Variants in CTNNA2 observed in about 807,000 individuals in gnomAD.
CTNNA2 encodes the protein catenin alpha 2, also known as catenin alpha-2.
A neutral mutation model predicts 101.0 loss-of-function variants in CTNNA2; 42 were observed. The ratio of observed to expected loss-of-function variants is 0.42; its 90% CI spans 0.32 to 0.54. The LOEUF is 0.54. Ranked by LOEUF, CTNNA2 falls within the 20% of genes least tolerant of loss-of-function variation. The pLI is 0.14. For missense variants in CTNNA2, 871 were observed against 1,223.1 expected, an observed-to-expected ratio of 0.71 and a Z score of 4.29; for synonymous variants, 450 against 456.4, an observed-to-expected ratio of 0.99 and a Z score of 0.18.
At chr2:80,215,982 T>C (rs1708241866) in intron 7 of CTNNA2, among the ~76,000 whole-genome samples, 1 of 152,182 alleles carries the variant, frequency 6.6e-6, no homozygotes, top group Admixed American at 6.5e-5. Context: ...TCCTCCAGCC[T>C]CGCTGCCATC....
At chr2:80,123,333 A>G (rs1021073571) in intron 7 of CTNNA2, among the ~76,000 whole-genome samples, 11 of 152,104 alleles carry the variant, frequency 7.2e-5, no homozygotes, top group Admixed American at 7.2e-4. Context: ...AGAAACACAT[A>G]TTACAGGTTT....
In CTNNA2 at chr2:79,966,482, C is replaced by T. The variant is rs531690654; in HGVS notation, c.1056+56685C>T. Among the ~76,000 whole-genome samples, 14 of 152,258 alleles carry T rather than the reference C, an allele frequency of 9.2e-5. No homozygotes were observed. In the South Asian group the frequency reaches 2.7e-3, roughly 29 times the overall value. On this transcript the variant is annotated intron_variant, in intron 7 of 18. Coordinates refer to ENST00000402739, the MANE Select transcript of CTNNA2 (RefSeq NM_001282597.3). ...AATGCTTGGGCTCCATTGATCCTCC[C>T]GCCTTGGCTTCTCAAAGTGCTAGGA... is the stretch of plus-strand genomic sequence containing the variant.
intron 7 of CTNNA2, among the ~76,000 whole-genome samples, chr2:80,144,456 T>A (rs1352163571): frequency 6.6e-6 from 1 of 152,194 alleles, no homozygotes; most frequent in African/African-American, 2.4e-5. Context: ...AATGTAAGAA[T>A]ACAACAACTT....
At chr2:80,576,323 T>A (rs1695038591) in intron 13 of CTNNA2, 1 of 151,364 alleles carries the variant, frequency 6.6e-6, no homozygotes, top group Non-Finnish European at 1.5e-5. Context: ...GCCTCAGCTG[T>A]CAGGACCTCC....
At chr2:80,268,674 A>C (rs2149135101) in intron 7 of CTNNA2, among the ~76,000 whole-genome samples, 1 of 152,338 alleles carries the variant, frequency 6.6e-6, no homozygotes, top group Admixed American at 6.5e-5. Flanking sequence ...GTAAATCATC[A>C]AAGAAAGATT....
chr2:79,437,900 T>C (rs12470078), intron 4 of CTNNA2, among the ~76,000 whole-genome samples: 61,182 of 151,984 alleles, frequency 0.4, 12,484 homozygotes, highest in South Asian at 0.49. Context: ...TTCCAGGGTC[T>C]TTTCTGTTTC....
chr2:80,302,278 C>T lies in CTNNA2; in HGVS notation c.1057-90933C>T. The stretch of plus-strand genomic sequence containing the variant: ...ACACCTCGCATTCCCTCGCGGGCTG[C>T]TGGTGGCAGGTACACGAGCCATACT... On this transcript the variant is annotated intron_variant, in intron 7 of 18. Coordinates refer to ENST00000402739, the MANE Select transcript of CTNNA2 (RefSeq NM_001282597.3). This position sits in a 1 kb window ranked among gnomAD's most constrained non-coding sequence, Gnocchi z 6.4. The T allele has an allele frequency of 6.2e-7, 1 of 1,613,780 alleles. No homozygotes were observed. Among genetic ancestry groups the T allele is most frequent in the South Asian group, 1.1e-5 (1 of 91,034 alleles).
chr2:79,329,856 A>G (rs1676831206), intron 3 of CTNNA2, among the ~76,000 whole-genome samples: 1 of 152,132 alleles, frequency 6.6e-6, no homozygotes, highest in Non-Finnish European at 1.5e-5. Context: ...TCTTATCTAC[A>G]AGAATGGCTT....
intron 7 of CTNNA2, among the ~76,000 whole-genome samples, chr2:80,217,485 A>G (rs952107892): frequency 2.0e-5 from 3 of 152,098 alleles, no homozygotes; most frequent in Non-Finnish European, 4.4e-5. Flanking sequence ...CAGAGAACCT[A>G]AAAATTAAAG....
At chr2:80,599,699 G>T (rs961797314) in intron 15 of CTNNA2, among the ~76,000 whole-genome samples, 1 of 152,016 alleles carries the variant, frequency 6.6e-6, no homozygotes, top group African/African-American at 2.4e-5. Context: ...AGATATTCAG[G>T]ATTTCCCAGA....
At chr2:79,303,176 C>G (rs1676153277) in intron 2 of CTNNA2, among the ~76,000 whole-genome samples, 1 of 152,118 alleles carries the variant, frequency 6.6e-6, no homozygotes, top group South Asian at 2.1e-4. Flanking sequence ...TTGTCTCATC[C>G]TCAACACAAG....
rs143303021 is a variant in CTNNA2 at position 79,725,918 on chromosome 2, G to A, written c.103-18469G>A. On this transcript the variant is annotated intron_variant, in intron 2 of 18. Transcript: ENST00000402739. Reference sequence around the variant, plus strand: ...AGTCCACTGATCTTACTAAGGAAATGCATGTGAATCCGGCTGTCTGGGCAT... The same window carrying A: ...AGTCCACTGATCTTACTAAGGAAATACATGTGAATCCGGCTGTCTGGGCAT... Among the ~76,000 whole-genome samples, 66 of 152,300 alleles carry A rather than the reference G, an allele frequency of 4.3e-4. No homozygotes were observed. The East Asian group carries it at 0.012, about 27-fold the overall frequency.
chr2:79,592,040 T>A (rs900167102), intron 1 of CTNNA2, among the ~76,000 whole-genome samples: 1 of 151,998 alleles, frequency 6.6e-6, no homozygotes, highest in Non-Finnish European at 1.5e-5. Flanking sequence ...TCATTTATCT[T>A]TCTGTTTTCC....
intron 2 of CTNNA2, among the ~76,000 whole-genome samples, chr2:79,717,289 T>A (rs1470431632): frequency 2.0e-5 from 3 of 152,178 alleles, no homozygotes; most frequent in African/African-American, 7.2e-5. Context: ...GCTTCCTGAT[T>A]TAGAAAGATT....
intron 7 of CTNNA2, among the ~76,000 whole-genome samples, chr2:80,169,597 G>A (rs934165301): frequency 6.6e-6 from 1 of 152,074 alleles, no homozygotes; most frequent in Non-Finnish European, 1.5e-5. Context: ...ATCTGTTTCT[G>A]TGGCCTAAAC....
chr2:79,651,745 A>C, intron 2 of CTNNA2, 87 bp downstream of exon 2: 1 of 1,088,654 alleles, frequency 9.2e-7, no homozygotes, highest in Non-Finnish European at 1.4e-6. Context: ...GACATCCTTA[A>C]AAGAGAATAA....
chr2:79,740,704 G>A (rs1277373084), intron 2 of CTNNA2, among the ~76,000 whole-genome samples: 3 of 152,158 alleles, frequency 2.0e-5, no homozygotes, highest in South Asian at 2.1e-4. Context: ...TTGTCGTTTA[G>A]CAGCCTCTCA....
intron 7 of CTNNA2, among the ~76,000 whole-genome samples, chr2:80,194,851 A>G (rs984149811): frequency 6.6e-6 from 1 of 151,390 alleles, no homozygotes; most frequent in African/African-American, 2.4e-5. Context: ...GTGTGTGTGT[A>G]TGTGTGTATA....
chr2:79,273,300 A>G (rs1675131424), intron 2 of CTNNA2, among the ~76,000 whole-genome samples: 1 of 152,112 alleles, frequency 6.6e-6, no homozygotes, highest in South Asian at 2.1e-4. Context: ...GAGAACAACT[A>G]ATTAAAACAT....
Sources: gnomAD v4.1 joint callset for allele counts (sites outside exome capture counted in the v4.1 genomes callset) on GRCh38, gnomAD v4.1.1 for gene constraint, Gnocchi (gnomAD v3.1) non-coding constraint, MANE v1.5 for transcripts, NCBI Gene and HGNC (gene_info 2026-07-23, HGNC 2026-07-21) for gene names.